The following SUGCT variants were observed in gnomAD, a reference collection of about 807,000 sequenced individuals.
SUGCT encodes the protein succinyl-CoA:glutarate CoA-transferase.
Under a neutral mutation model 55.0 loss-of-function variants are expected in SUGCT, and 41 were observed. The ratio of observed to expected loss-of-function variants is 0.74; its 90% CI spans 0.58 to 0.97. The LOEUF (loss-of-function observed/expected upper bound fraction) is 0.97, where lower values mean the gene tolerates loss of function less well. Among genes scored for constraint, SUGCT ranks in the 50% least tolerant of loss-of-function variants. SUGCT has a pLI of 0.00. For synonymous variants in SUGCT, 187 were observed against 200.4 expected (o/e 0.93, Z 0.56); for missense variants, 568 against 547.8 (o/e 1.04, Z -0.37).
intron 11 of SUGCT, among the ~76,000 whole-genome samples, chr7:40,472,302 G>T (rs1790442305): frequency 6.6e-6 from 1 of 152,066 alleles, no homozygotes; most frequent in African/African-American, 2.4e-5. Flanking sequence ...TGGCATTAGA[G>T]AAACAAATAA....
chr7:40,472,334 G>C (rs1276301724), intron 11 of SUGCT, among the ~76,000 whole-genome samples: 1 of 152,228 alleles, frequency 6.6e-6, no homozygotes. Context: ...GGAATATTCT[G>C]TATTCACTAA....
intron 12 of SUGCT, among the ~76,000 whole-genome samples, chr7:40,654,319 A>G (rs1336749864): frequency 4.6e-5 from 7 of 152,208 alleles, no homozygotes; most frequent in Admixed American, 4.6e-4. Context: ...TGCACATCCT[A>G]TAACGAGAAA....
intron 9 of SUGCT, among the ~76,000 whole-genome samples, chr7:40,432,759 A>G (rs995221898): frequency 8.0e-5 from 12 of 150,892 alleles, no homozygotes; most frequent in South Asian, 2.1e-4. Context: ...TTTAATTTCA[A>G]TGTATTGCAG....
At position 40,786,382 on chromosome 7, in the gene SUGCT, A is replaced by C. The variant is rs1484195196; in HGVS notation, c.1153+36885A>C. Among the ~76,000 whole-genome samples, 4 of 152,318 alleles carry C rather than the reference A, an allele frequency of 2.6e-5. 1 individual carries two copies. In the South Asian group the frequency reaches 6.2e-4, roughly 24 times the overall value. The stretch of plus-strand genomic sequence containing the variant: ...CTTAGTGTCATATATTCAATGTAAC[A>C]CTTTTGATTAGCAGGAATTACTTAT... On this transcript the variant is annotated intron_variant, in intron 13 of 13. Coordinates refer to ENST00000335693, the MANE Select transcript of SUGCT (RefSeq NM_001193313.2).
At chr7:40,312,166 A>G (rs1795194613) in intron 8 of SUGCT, among the ~76,000 whole-genome samples, 1 of 151,458 alleles carries the variant, frequency 6.6e-6, no homozygotes, top group Non-Finnish European at 1.5e-5. Context: ...CAGCCTCCCG[A>G]GTAGCTGGGA....
At chr7:40,193,481 C>T (rs1024496034) in intron 5 of SUGCT, among the ~76,000 whole-genome samples, 38 of 151,640 alleles carry the variant, frequency 2.5e-4, no homozygotes, top group African/African-American at 8.5e-4. Flanking sequence ...GACAGGGTTT[C>T]GCCATATTGG....
At chr7:40,918,143 C>A in the SUGCT span, among the ~76,000 whole-genome samples, 31 of 151,978 alleles carry the variant, frequency 2.0e-4, no homozygotes, top group Non-Finnish European at 3.8e-4. Flanking sequence ...TCTCCTCATA[C>A]CCCCCTGAAA....
chr7:40,322,307 G>C (rs1273222384), intron 9 of SUGCT, among the ~76,000 whole-genome samples: 1 of 152,130 alleles, frequency 6.6e-6, no homozygotes, highest in Non-Finnish European at 1.5e-5. Flanking sequence ...CAAGAGCAAT[G>C]AATTTCTCTA....
At chr7:41,032,719 T>G in the SUGCT span, among the ~76,000 whole-genome samples, 3 of 152,138 alleles carry the variant, frequency 2.0e-5, no homozygotes, top group African/African-American at 7.2e-5. Flanking sequence ...GCTCCTGAAG[T>G]GAGTGCTTTT....
At chr7:40,538,667 AT>A (rs1474731496) in intron 12 of SUGCT, 2 of 152,270 alleles carry the variant, frequency 1.3e-5, no homozygotes, top group Non-Finnish European at 2.9e-5. Context: ...AAAGATTAGA[AT>A]ATGAAGGCTG....
chr7:40,914,272 C>CTTTTTTTTTTT, the SUGCT span, among the ~76,000 whole-genome samples: 9 of 139,218 alleles, frequency 6.5e-5, no homozygotes, highest in South Asian at 2.3e-4. Context: ...TTATTTTTTT[C>CTTTTTTTTTTT]TTTTTCTTTT....
At chr7:40,976,931 C>T in the SUGCT span, among the ~76,000 whole-genome samples, 22 of 152,152 alleles carry the variant, frequency 1.4e-4, no homozygotes, top group Non-Finnish European at 2.9e-5. Context: ...GTAGAAGGTA[C>T]ATAAAATAGA....
At chr7:40,618,981 T>C (rs1799140846) in intron 12 of SUGCT, among the ~76,000 whole-genome samples, 1 of 152,224 alleles carries the variant, frequency 6.6e-6, no homozygotes, top group Non-Finnish European at 1.5e-5. Context: ...AGCCATCCGA[T>C]GTTAGAATGT....
chr7:40,367,101 TC>T (rs894532262), intron 9 of SUGCT, among the ~76,000 whole-genome samples: 4 of 152,032 alleles, frequency 2.6e-5, no homozygotes, highest in African/African-American at 9.7e-5. Context: ...AATGATGAGT[TC>T]ATGTCCTTTG....
At chr7:40,700,761 T>C (rs1785140284) in intron 12 of SUGCT, among the ~76,000 whole-genome samples, 1 of 152,318 alleles carries the variant, frequency 6.6e-6, no homozygotes, top group East Asian at 1.9e-4. Flanking sequence ...TAGTGTATTT[T>C]GTTAGAGGCC....
chr7:40,628,195 T>A (rs1799615739), intron 12 of SUGCT, among the ~76,000 whole-genome samples: 1 of 152,358 alleles, frequency 6.6e-6, no homozygotes, highest in Non-Finnish European at 1.5e-5. Context: ...TTGTTCTATT[T>A]TAATAACCTA....
Position 40,563,948 on chromosome 7 carries a change from T to C in SUGCT, c.1089+67562T>C, listed in dbSNP as rs572871914. On this transcript the variant is annotated intron_variant, in intron 12 of 13. Transcript: ENST00000335693. ...GATGTCGAGGAGACAAATACAGATA[T>C]CAGTCCTTAAAAGTCCACAGCACAA... Among the ~76,000 whole-genome samples the C allele has an allele frequency of 1.1e-4, 17 of 152,222 alleles. No individual in the cohort carries two copies. In the South Asian group the frequency reaches 3.3e-3, roughly 30 times the overall value.
chr7:40,478,182 T>G (rs1398839468), intron 11 of SUGCT, among the ~76,000 whole-genome samples: 1 of 152,098 alleles, frequency 6.6e-6, no homozygotes, highest in African/African-American at 2.4e-5. Context: ...TTTAAATTTT[T>G]TTTTCCAGAG....
intron 1 of SUGCT, among the ~76,000 whole-genome samples, chr7:40,157,440 G>A (rs1783952642): frequency 1.3e-5 from 2 of 152,152 alleles, no homozygotes; most frequent in African/African-American, 4.8e-5. Context: ...TTAGGTATGG[G>A]AAAATGATGT....
Sources: gnomAD v4.1 joint callset for allele counts (sites outside exome capture counted in the v4.1 genomes callset) on GRCh38, gnomAD v4.1.1 for gene constraint, MANE v1.5 for transcripts, NCBI Gene and HGNC (gene_info 2026-07-23, HGNC 2026-07-21) for gene names.